The following STXBP5L variants were observed in gnomAD, a reference collection of about 807,000 sequenced individuals.
STXBP5L encodes the protein syntaxin binding protein 5L, also known as syntaxin-binding protein 5-like.
In STXBP5L, 65 loss-of-function variants were observed where a neutral mutation model predicts 144.5. That is an observed-to-expected ratio of 0.45 (90% CI 0.37 to 0.55). STXBP5L has a LOEUF of 0.55. Ranked by LOEUF, STXBP5L falls within the 20% of genes least tolerant of loss-of-function variation. STXBP5L has a pLI of 0.00. For missense variants in STXBP5L, 1,298 were observed against 1,405.5 expected, an observed-to-expected ratio of 0.92 and a Z score of 1.22; for synonymous variants, 505 against 469.6, an observed-to-expected ratio of 1.08 and a Z score of -0.97.
chr3:121,137,842 TAAA>T (rs1173378826), intron 7 of STXBP5L, among the ~76,000 whole-genome samples: 2 of 152,098 alleles, frequency 1.3e-5, no homozygotes. Context: ...GGGAAAAAGT[TAAA>T]AACTTTTTTT....
intron 3 of STXBP5L, among the ~76,000 whole-genome samples, chr3:121,028,107 C>A (rs941680564): frequency 6.6e-6 from 1 of 151,926 alleles, no homozygotes; most frequent in African/African-American, 2.4e-5. Context: ...TTAATTAATA[C>A]AAGTATGTAT....
chr3:121,051,030 G>C (rs900672985), intron 5 of STXBP5L, among the ~76,000 whole-genome samples: 1 of 152,156 alleles, frequency 6.6e-6, no homozygotes, highest in Non-Finnish European at 1.5e-5. Flanking sequence ...AACAAGAAGA[G>C]CTAACTATCC....
intron 3 of STXBP5L, among the ~76,000 whole-genome samples, chr3:121,012,475 A>G (rs1324290067): frequency 6.6e-6 from 1 of 151,786 alleles, no homozygotes; most frequent in African/African-American, 2.4e-5. Context: ...CCATATGGAT[A>G]TCTTTACCAA....
chr3:121,011,358 C>T (rs1386272457), intron 3 of STXBP5L, among the ~76,000 whole-genome samples: 2 of 151,398 alleles, frequency 1.3e-5, no homozygotes, highest in Non-Finnish European at 2.9e-5. Flanking sequence ...GTTGCCAGTA[C>T]CTATTAGATG....
intron 18 of STXBP5L, 44 bp from the exon 19 acceptor site, chr3:121,279,761 T>G (rs978776805): frequency 6.3e-7 from 1 of 1,597,606 alleles, no homozygotes; most frequent in African/African-American, 1.3e-5. Context: ...AAAATAATCA[T>G]GCTTGTTGTG....
rs568409025 is a variant in STXBP5L, at chr3:121,236,616, G to A, written c.1185-2355G>A. Among the ~76,000 whole-genome samples the A allele has an allele frequency of 1.4e-4, 22 of 152,294 alleles. No homozygotes were observed. The South Asian group carries it at 4.6e-3, about 32-fold the overall frequency. ...TAAGGGAAGACATTAATCTATTCAT[G>A]AGGAATCTGCCCCTGTGAAGGGGAA... On this transcript the variant is annotated intron_variant, in intron 12 of 26. Transcript: ENST00000471454.
chr3:120,922,539 T>A lies in STXBP5L; in HGVS notation c.189+12772T>A, dbSNP rs1709408417. ...GTGAAAGTGGGCATCCTTGTCTTGC[T>A]CCAGACTTTAGAGGAAAGGCTTTCA... is the stretch of plus-strand genomic sequence containing the variant. On this transcript the variant is annotated intron_variant, in intron 2 of 26. Transcript: ENST00000471454. Among the ~76,000 whole-genome samples the A allele has an allele frequency of 2.0e-5, 3 of 152,042 alleles. No individual in the cohort carries two copies. The South Asian group carries it at 6.2e-4, about 31-fold the overall frequency.
Position 121,055,656 on chromosome 3 carries a change from T to A in STXBP5L, c.470+10121T>A, listed in dbSNP as rs117106167. ...CTCCTTAGTGCTGGGACTATGGGCA[T>A]GTGCTACCATACCCAGCTATTTTTT... On this transcript the variant is annotated intron_variant, in intron 5 of 26. Coordinates refer to ENST00000471454, the MANE Select transcript of STXBP5L (RefSeq NM_001308330.2). 8.0e-4 allele frequency among the ~76,000 whole-genome samples: 120 copies of A among 149,800 alleles called. 1 individual carries two copies. The East Asian group carries it at 0.023, about 29-fold the overall frequency.
intron 19 of STXBP5L, among the ~76,000 whole-genome samples, chr3:121,303,591 C>A (rs1351580753): frequency 6.6e-6 from 1 of 152,138 alleles, no homozygotes; most frequent in East Asian, 1.9e-4. Flanking sequence ...ATGTTTACTG[C>A]AGCACTATTC....
chr3:121,108,134 T>C (rs1300351674), intron 5 of STXBP5L, among the ~76,000 whole-genome samples: 1 of 152,122 alleles, frequency 6.6e-6, no homozygotes, highest in Non-Finnish European at 1.5e-5. Context: ...GGATTTTCTA[T>C]ATGTACGATT....
intron 2 of STXBP5L, among the ~76,000 whole-genome samples, chr3:120,910,419 G>A (rs1708768284): frequency 6.6e-6 from 1 of 152,148 alleles, no homozygotes; most frequent in South Asian, 2.1e-4. Context: ...AGGTAGAGAA[G>A]ATGAGAGTTT....
At chr3:121,131,237 T>C (rs2044975761) in intron 7 of STXBP5L, among the ~76,000 whole-genome samples, 1 of 152,120 alleles carries the variant, frequency 6.6e-6, no homozygotes, top group African/African-American at 2.4e-5. Context: ...TTTAAACTTT[T>C]GAGTTAAATC....
intron 3 of STXBP5L, among the ~76,000 whole-genome samples, chr3:120,993,142 G>A (rs571963249): frequency 2.2e-4 from 34 of 151,572 alleles, no homozygotes; most frequent in African/African-American, 8.0e-4. Context: ...GTTTTTAATG[G>A]GATTATTTAT....
chr3:121,389,874 T>A (rs2046530956), intron 22 of STXBP5L, among the ~76,000 whole-genome samples: 1 of 152,214 alleles, frequency 6.6e-6, no homozygotes, highest in South Asian at 2.1e-4. Context: ...TGATTTGGGA[T>A]GGAATGTTCT....
chr3:121,099,417 G>C (rs1294930249), intron 5 of STXBP5L: 3 of 152,238 alleles, frequency 2.0e-5, no homozygotes, highest in Non-Finnish European at 4.4e-5. Context: ...AGACAGTTCA[G>C]AGTGGAGTTC....
At chr3:121,235,462 C>A (rs531917567) in intron 12 of STXBP5L, among the ~76,000 whole-genome samples, 84 of 152,030 alleles carry the variant, frequency 5.5e-4, no homozygotes, top group Middle Eastern at 3.4e-3. Context: ...TATCTTTTTG[C>A]CTACTCTTTG....
intron 19 of STXBP5L, among the ~76,000 whole-genome samples, chr3:121,283,895 TTG>T (rs59432986): frequency 9.7e-4 from 113 of 116,034 alleles, no homozygotes; most frequent in Middle Eastern, 9.1e-3. Flanking sequence ...GTGTGTGTGC[TTG>T]TGTGTGTGTG....
intron 3 of STXBP5L, among the ~76,000 whole-genome samples, chr3:121,002,496 TTTAA>T (rs1365297204): frequency 6.6e-6 from 1 of 152,180 alleles, no homozygotes; most frequent in African/African-American, 2.4e-5. Context: ...TTCAGTGGCC[TTTAA>T]TTTTGTTGAT....
chr3:121,142,425 T>C (rs1231658106), intron 7 of STXBP5L, among the ~76,000 whole-genome samples: 1 of 151,952 alleles, frequency 6.6e-6, no homozygotes, highest in Non-Finnish European at 1.5e-5. Context: ...TATACAGAAC[T>C]TTCCACCCAA....
Sources: gnomAD v4.1 joint callset for allele counts (sites outside exome capture counted in the v4.1 genomes callset) on GRCh38, gnomAD v4.1.1 for gene constraint, MANE v1.5 for transcripts, NCBI Gene and HGNC (gene_info 2026-07-23, HGNC 2026-07-21) for gene names.